SUGCT: variants seen among roughly 807,000 people sequenced by gnomAD.
SUGCT encodes the protein succinyl-CoA:glutarate CoA-transferase.
Under a neutral mutation model 55.0 loss-of-function variants are expected in SUGCT, and 41 were observed. The ratio of observed to expected loss-of-function variants is 0.74; its 90% CI spans 0.58 to 0.97. The LOEUF is 0.97. SUGCT is among the 50% of genes least tolerant of loss of function. The pLI is 0.00. For synonymous variants in SUGCT, 187 were observed against 200.4 expected, an observed-to-expected ratio of 0.93 and a Z score of 0.56; for missense variants, 568 against 547.8, an observed-to-expected ratio of 1.04 and a Z score of -0.37.
At chr7:40,158,126 C>T (rs1213960953) in intron 1 of SUGCT, among the ~76,000 whole-genome samples, 2 of 151,834 alleles carry the variant, frequency 1.3e-5, no homozygotes, top group African/African-American at 2.4e-5. Context: ...AGATTGAACC[C>T]GGGAGGTGGA....
At chr7:40,981,264 G>T in the SUGCT span, among the ~76,000 whole-genome samples, 1 of 152,146 alleles carries the variant, frequency 6.6e-6, no homozygotes, top group East Asian at 1.9e-4. Flanking sequence ...TTTCTTGAAA[G>T]ATAGCACATG....
chr7:40,556,013 C>T (rs1418453513), intron 12 of SUGCT, among the ~76,000 whole-genome samples: 1 of 152,100 alleles, frequency 6.6e-6, no homozygotes, highest in Non-Finnish European at 1.5e-5. Flanking sequence ...GCCTGTCTTT[C>T]TGCCAACACA....
At chr7:40,449,234 T>TCTAAAATTAATTTTA in intron 9 of SUGCT, 53 bp from the exon 10 acceptor site, 1 of 1,222,932 alleles carries the variant, frequency 8.2e-7, no homozygotes. Flanking sequence ...ATTAAACTTT[T>TCTAAAATTAATTTTA]GTGGTCTTGT....
At chr7:40,297,620 A>G (rs1794247492) in intron 8 of SUGCT, among the ~76,000 whole-genome samples, 2 of 152,230 alleles carry the variant, frequency 1.3e-5, no homozygotes, top group East Asian at 1.9e-4. Context: ...GACCTTTAGC[A>G]TTAAATTGGT....
Position 40,696,278 on chromosome 7 carries a change from T to C in SUGCT, c.1090-53156T>C, listed in dbSNP as rs1466007180. On this transcript the variant is annotated intron_variant, in intron 12 of 13. Coordinates refer to ENST00000335693, the MANE Select transcript of SUGCT (RefSeq NM_001193313.2). ...GCCATTTCTGAGCCAGGAGATGCCT[T>C]TTAATGGAGGTCTGAGGTCAGAGGC... 1.3e-5 allele frequency among the ~76,000 whole-genome samples: 2 copies of C among 152,270 alleles called. 1 individual carries two copies. Among genetic ancestry groups the C allele is most frequent in the South Asian group, 4.1e-4 (2 of 4,828 alleles).
chr7:40,898,518 T>G, the SUGCT span, among the ~76,000 whole-genome samples: 4 of 116,432 alleles, frequency 3.4e-5, no homozygotes, highest in African/African-American at 9.0e-5. Flanking sequence ...GGTCAGGAGA[T>G]CGAGACCATC....
chr7:41,031,356 T>C, the SUGCT span, among the ~76,000 whole-genome samples: 2 of 152,160 alleles, frequency 1.3e-5, no homozygotes, highest in Non-Finnish European at 2.9e-5. Context: ...TGTGTCTGCA[T>C]AGTACTGCTA....
At chr7:40,510,247 T>G (rs1027449207) in intron 12 of SUGCT, among the ~76,000 whole-genome samples, 5 of 150,006 alleles carry the variant, frequency 3.3e-5, no homozygotes, top group African/African-American at 1.2e-4. Context: ...TATAATTCTG[T>G]TTTTTTATTA....
At chr7:40,790,447 G>T (rs1442647591) in intron 13 of SUGCT, among the ~76,000 whole-genome samples, 2 of 152,154 alleles carry the variant, frequency 1.3e-5, no homozygotes, top group Non-Finnish European at 2.9e-5. Flanking sequence ...TCATAGCAGT[G>T]TGAGAATGGA....
At chr7:40,487,743 C>G (rs1006151245) in intron 11 of SUGCT, among the ~76,000 whole-genome samples, 1 of 151,942 alleles carries the variant, frequency 6.6e-6, no homozygotes, top group African/African-American at 2.4e-5. Context: ...TGAAGTGACT[C>G]CATTATTATT....
the SUGCT span, among the ~76,000 whole-genome samples, chr7:41,001,258 G>A: frequency 6.6e-6 from 1 of 152,096 alleles, no homozygotes; most frequent in Non-Finnish European, 1.5e-5. Flanking sequence ...TAGATGAGTG[G>A]GGAGTGTGGT....
At chr7:40,703,935 C>T (rs1486285154) in intron 12 of SUGCT, among the ~76,000 whole-genome samples, 1 of 152,222 alleles carries the variant, frequency 6.6e-6, no homozygotes, top group Non-Finnish European at 1.5e-5. Context: ...AATGTGTGCT[C>T]ATGCCTAGCG....
chr7:40,608,006 G>T (rs896726294), intron 12 of SUGCT, among the ~76,000 whole-genome samples: 1 of 152,182 alleles, frequency 6.6e-6, no homozygotes, highest in African/African-American at 2.4e-5. Flanking sequence ...TGACTTGAGG[G>T]TCTTCAACCT....
At chr7:40,987,129 A>G in the SUGCT span, among the ~76,000 whole-genome samples, 2 of 152,202 alleles carry the variant, frequency 1.3e-5, no homozygotes, top group East Asian at 3.9e-4. Flanking sequence ...CTAGAGGAGT[A>G]CATAACCCAG....
chr7:40,545,795 G>GAAGAATCAA (rs1794956143), intron 12 of SUGCT, among the ~76,000 whole-genome samples: 1 of 152,158 alleles, frequency 6.6e-6, no homozygotes, highest in Admixed American at 6.5e-5. Context: ...AGAATCATGG[G>GAAGAATCAA]TGTGTTCTTT....
intron 11 of SUGCT, among the ~76,000 whole-genome samples, chr7:40,481,855 T>C (rs1193548838): frequency 1.3e-5 from 2 of 152,156 alleles, no homozygotes; most frequent in East Asian, 3.8e-4. Flanking sequence ...GTGCAACTCT[T>C]CACAAAGGGC....
At chr7:40,868,586 A>T in the SUGCT span, among the ~76,000 whole-genome samples, 2 of 152,308 alleles carry the variant, frequency 1.3e-5, no homozygotes, top group Non-Finnish European at 2.9e-5. Flanking sequence ...TTGCTCTGTC[A>T]TCCAGGCTGG....
chr7:40,444,117 T>A (rs2151418570), intron 9 of SUGCT, among the ~76,000 whole-genome samples: 1 of 152,336 alleles, frequency 6.6e-6, no homozygotes, highest in South Asian at 2.1e-4. Flanking sequence ...GCTGTTTTGG[T>A]TACTGTAGCC....
intron 12 of SUGCT, among the ~76,000 whole-genome samples, chr7:40,533,943 T>TA (rs145373256): frequency 0.06 from 9,088 of 152,252 alleles, 885 homozygotes; most frequent in African/African-American, 0.21. Flanking sequence ...TGCAATTCTT[T>TA]AATTGCCATT....
Sources: allele counts gnomAD v4.1 joint callset (sites outside exome capture counted in the v4.1 genomes callset), GRCh38; gene constraint gnomAD v4.1.1; transcripts MANE v1.5; gene names NCBI Gene and HGNC (gene_info 2026-07-23, HGNC 2026-07-21).